The following BLK variants were observed in gnomAD, a reference collection of about 807,000 sequenced individuals.
BLK encodes tyrosine-protein kinase Blk.
Under a neutral mutation model 61.8 loss-of-function variants are expected in BLK, and 64 were observed. The observed-to-expected ratio is 1.03, with a 90% CI of 0.85 to 1.27. BLK has a LOEUF of 1.27. Among genes scored for constraint, BLK ranks in the 50% most tolerant of loss-of-function variants. The probability of loss-of-function intolerance (pLI) is 0.00; values close to 1 mark genes in which losing one functional copy is unlikely to be tolerated. For missense variants in BLK, 853 were observed against 660.5 expected, an observed-to-expected ratio of 1.29 and a Z score of -3.19; for synonymous variants, 351 against 272.0, an observed-to-expected ratio of 1.29 and a Z score of -2.86.
intron 1 of BLK, among the ~76,000 whole-genome samples, chr8:11,505,560 G>A (rs138705316): frequency 2.0e-5 from 3 of 152,124 alleles, no homozygotes; most frequent in East Asian, 1.9e-4. Flanking sequence ...CATTGCTTTC[G>A]TTCAGGCCCT....
chr8:11,535,655 G>T (rs1022855214), intron 1 of BLK, among the ~76,000 whole-genome samples: 1 of 152,188 alleles, frequency 6.6e-6, no homozygotes, highest in Admixed American at 6.5e-5. Flanking sequence ...TGTCGGTGAG[G>T]AACTTGTCAA....
chr8:11,496,507 T>C (rs1798363566), intron 1 of BLK, among the ~76,000 whole-genome samples: 1 of 152,230 alleles, frequency 6.6e-6, no homozygotes, highest in Non-Finnish European at 1.5e-5. Flanking sequence ...CCTCCCACAG[T>C]GCTGGGATTG....
intron 1 of BLK, among the ~76,000 whole-genome samples, chr8:11,516,111 G>A (rs1799213539): frequency 6.6e-6 from 1 of 152,232 alleles, no homozygotes; most frequent in African/African-American, 2.4e-5. Context: ...TTCACATACT[G>A]CTACATGGAT....
intron 3 of BLK, among the ~76,000 whole-genome samples, chr8:11,547,337 G>A (rs571035950): frequency 5.3e-5 from 8 of 152,224 alleles, no homozygotes; most frequent in African/African-American, 1.2e-4. Context: ...CACCCCACCC[G>A]GGGAAGCTAA....
At chr8:11,502,676 ACCGGCACAAG>A (rs1424623818) in intron 1 of BLK, among the ~76,000 whole-genome samples, 4 of 152,210 alleles carry the variant, frequency 2.6e-5, no homozygotes, top group Non-Finnish European at 1.5e-5. Context: ...GCTCTAGCAT[ACCGGCACAAG>A]CTGGCCCCCA....
chr8:11,496,032 G>A (rs906924861), intron 1 of BLK, among the ~76,000 whole-genome samples: 3 of 152,190 alleles, frequency 2.0e-5, no homozygotes, highest in Admixed American at 6.5e-5. Flanking sequence ...GAAAACTGGC[G>A]TTCATGGCCT....
chr8:11,518,112 G>C (rs979753689), intron 1 of BLK, among the ~76,000 whole-genome samples: 25 of 152,238 alleles, frequency 1.6e-4, no homozygotes, highest in Non-Finnish European at 2.9e-4. Context: ...GGTACGCAGT[G>C]GGTGAATAAG....
At chr8:11,510,071 TG>T (rs1356070160) in intron 1 of BLK, among the ~76,000 whole-genome samples, 6 of 152,360 alleles carry the variant, frequency 3.9e-5, no homozygotes, top group Non-Finnish European at 8.8e-5. Flanking sequence ...TCCATATTTT[TG>T]TATCACCATA....
At position 11,555,300 on chromosome 8, in the gene BLK, C is replaced by A. The variant is rs778896633; in HGVS notation, c.620-32C>A. On this transcript the variant is annotated intron_variant, in intron 7 of 12. Transcript: ENST00000259089. ...AGGTAGAGCCTGGCTGCTCTGGTAACCCCCAGCCCTGTCTTTTCTTCCCTA... is the reference window on the plus strand; with the variant it reads ...AGGTAGAGCCTGGCTGCTCTGGTAAACCCCAGCCCTGTCTTTTCTTCCCTA... 1.2e-5 allele frequency: 19 copies of A among 1,613,646 alleles called. No individual in the cohort carries two copies. The South Asian group carries it at 1.8e-4, about 15-fold the overall frequency.
At chr8:11,551,236 G>T (rs912077464) in intron 6 of BLK, among the ~76,000 whole-genome samples, 1 of 152,180 alleles carries the variant, frequency 6.6e-6, no homozygotes, top group South Asian at 2.1e-4. Flanking sequence ...AGACTGGGTG[G>T]CTTCCACCAC....
At chr8:11,551,873 G>T (rs116667277) in intron 6 of BLK, among the ~76,000 whole-genome samples, 2,135 of 152,254 alleles carry the variant, frequency 0.014, 21 homozygotes, top group Middle Eastern at 0.034. Flanking sequence ...AAGCACCAGT[G>T]ACCACATCAT....
intron 8 of BLK, chr8:11,556,083 G>A (rs1164712427): frequency 1.8e-5 from 4 of 225,948 alleles, no homozygotes; most frequent in Non-Finnish European, 3.5e-5. Context: ...TGATGCCCAC[G>A]GTGCTTTTGG....
intron 12 of BLK, among the ~76,000 whole-genome samples, chr8:11,563,361 G>A (rs560735299): frequency 1.3e-5 from 2 of 152,316 alleles, no homozygotes; most frequent in South Asian, 4.1e-4. Context: ...CAAGACAAAG[G>A]GCACATCCGA....
chr8:11,526,629 G>C (rs572550556), intron 1 of BLK, among the ~76,000 whole-genome samples: 1 of 152,224 alleles, frequency 6.6e-6, no homozygotes, highest in Non-Finnish European at 1.5e-5. Context: ...TAAGGCAGGA[G>C]GATCACGTGA....
intron 7 of BLK, 122 bp from the exon 8 acceptor site, chr8:11,555,210 C>A (rs953527535): frequency 7.5e-7 from 1 of 1,337,960 alleles, no homozygotes; most frequent in Non-Finnish European, 1.1e-6. Flanking sequence ...GGCGTGTGCA[C>A]ACACCCATGC....
At chr8:11,517,916 G>A (rs1002320081) in intron 1 of BLK, among the ~76,000 whole-genome samples, 2 of 152,170 alleles carry the variant, frequency 1.3e-5, no homozygotes, top group Admixed American at 6.5e-5. Flanking sequence ...TTTTCCCATA[G>A]CATTGAGGGC....
chr8:11,517,265 G>A (rs1799265119), intron 1 of BLK, among the ~76,000 whole-genome samples: 3 of 152,192 alleles, frequency 2.0e-5, no homozygotes, highest in Admixed American at 6.5e-5. Context: ...AACAGAAATC[G>A]GGGTTGCATG....
At chr8:11,526,423 C>G (rs962485703) in intron 1 of BLK, among the ~76,000 whole-genome samples, 7 of 152,078 alleles carry the variant, frequency 4.6e-5, no homozygotes, top group African/African-American at 1.7e-4. Flanking sequence ...TAAGGCTTAT[C>G]ATATATATAT....
At chr8:11,521,623 T>C (rs1799452096) in intron 1 of BLK, among the ~76,000 whole-genome samples, 1 of 152,214 alleles carries the variant, frequency 6.6e-6, no homozygotes, top group South Asian at 2.1e-4. Flanking sequence ...TTGGATTCAA[T>C]AGTCAAGAAT....
Sources: allele counts gnomAD v4.1 joint callset (sites outside exome capture counted in the v4.1 genomes callset), GRCh38; gene constraint gnomAD v4.1.1; transcripts MANE v1.5; gene names NCBI Gene and HGNC (gene_info 2026-07-23, HGNC 2026-07-21).